The following UBE2E2 variants were observed in gnomAD, a reference collection of about 807,000 sequenced individuals.
The protein encoded by UBE2E2 is ubiquitin-conjugating enzyme E2 E2.
Under a neutral mutation model 24.7 loss-of-function variants are expected in UBE2E2, and 6 were observed. The observed-to-expected ratio is 0.24, with a 90% CI of 0.13 to 0.48. UBE2E2 has a LOEUF of 0.48. Ranked by LOEUF, UBE2E2 falls within the 20% of genes least tolerant of loss-of-function variation. The probability of loss-of-function intolerance (pLI) is 0.99; values close to 1 mark genes in which losing one functional copy is unlikely to be tolerated. For synonymous variants in UBE2E2, 104 were observed against 83.6 expected (o/e 1.24, Z -1.33); for missense variants, 169 against 245.0 (o/e 0.69, Z 2.07).
At chr3:23,462,765 C>T (rs1039550857) in intron 3 of UBE2E2, among the ~76,000 whole-genome samples, 2 of 152,152 alleles carry the variant, frequency 1.3e-5, no homozygotes, top group Non-Finnish European at 2.9e-5. Context: ...TGATGATCCT[C>T]CACATCTGAT....
At chr3:23,206,995 A>AT (rs1696164543) in intron 1 of UBE2E2, among the ~76,000 whole-genome samples, 1 of 151,954 alleles carries the variant, frequency 6.6e-6, no homozygotes. Context: ...TTAAAGATAT[A>AT]TTTTTTGCTG....
intron 3 of UBE2E2, among the ~76,000 whole-genome samples, chr3:23,424,447 T>C (rs1411969842): frequency 2.0e-5 from 3 of 151,950 alleles, no homozygotes; most frequent in Non-Finnish European, 4.4e-5. Context: ...TTGTTTTTTT[T>C]TTTTTCTGTA....
chr3:23,440,019 C>A (rs565427991), intron 3 of UBE2E2, among the ~76,000 whole-genome samples: 3 of 151,568 alleles, frequency 2.0e-5, no homozygotes, highest in Admixed American at 1.3e-4. Context: ...CGCCTGTAAT[C>A]CCAGTGCTTT....
intron 4 of UBE2E2, among the ~76,000 whole-genome samples, chr3:23,515,799 G>GAAAAAA (rs201490292): frequency 8.3e-6 from 1 of 120,628 alleles, no homozygotes. Context: ...TCTACAAAAA[G>GAAAAAA]AAAAAAAAAA....
Position 23,399,827 on chromosome 3 carries a change from T to A in UBE2E2, c.228-99781T>A, listed in dbSNP as rs116564759. On this transcript the variant is annotated intron_variant, in intron 3 of 5. Transcript: ENST00000396703. ...CATTTGCATCATGAAACATTTTTAT[T>A]CACATTAATATATTGCTAGTGTGGA... is the stretch of plus-strand genomic sequence containing the variant. Among the ~76,000 whole-genome samples, 544 of 152,334 alleles carry A rather than the reference T, an allele frequency of 3.6e-3. 2 individuals carry two copies. The highest frequency in any genetic ancestry group is 0.012 in the African/African-American group (490 of 41,584).
chr3:23,267,123 C>A (rs560002301), intron 3 of UBE2E2, among the ~76,000 whole-genome samples: 3 of 151,344 alleles, frequency 2.0e-5, no homozygotes, highest in Non-Finnish European at 4.4e-5. Flanking sequence ...AAATTGACAC[C>A]CTAACGTCAC....
At chr3:23,248,806 T>G (rs1413741113) in intron 3 of UBE2E2, among the ~76,000 whole-genome samples, 1 of 152,156 alleles carries the variant, frequency 6.6e-6, no homozygotes, top group African/African-American at 2.4e-5. Flanking sequence ...TTTCCTAAAC[T>G]TAGTCAGCTA....
chr3:23,390,337 T>TC (rs1245795713), intron 3 of UBE2E2, among the ~76,000 whole-genome samples: 1 of 152,096 alleles, frequency 6.6e-6, no homozygotes, highest in Non-Finnish European at 1.5e-5. Context: ...CAGCTGAACA[T>TC]CAAGAGGAGT....
intron 3 of UBE2E2, among the ~76,000 whole-genome samples, chr3:23,359,107 C>G (rs1413300991): frequency 6.6e-6 from 1 of 152,132 alleles, no homozygotes; most frequent in Non-Finnish European, 1.5e-5. Flanking sequence ...ACATCATGAA[C>G]ATTACCTTTT....
At chr3:23,287,172 C>T (rs1297615440) in intron 3 of UBE2E2, among the ~76,000 whole-genome samples, 2 of 151,968 alleles carry the variant, frequency 1.3e-5, no homozygotes, top group Non-Finnish European at 2.9e-5. Flanking sequence ...GCTTTTTCAG[C>T]AATGATCATA....
At chr3:23,416,993 A>G (rs1303051252) in intron 3 of UBE2E2, among the ~76,000 whole-genome samples, 1 of 152,124 alleles carries the variant, frequency 6.6e-6, no homozygotes, top group Admixed American at 6.5e-5. Flanking sequence ...ATTGGGTTAG[A>G]ACATGCTCCT....
chr3:23,534,197 T>C (rs556245810), intron 5 of UBE2E2: 1 of 973,830 alleles, frequency 1.0e-6, no homozygotes, highest in South Asian at 4.8e-5. Context: ...TCAGCTGAAA[T>C]GGAATCTGTT....
intron 3 of UBE2E2, among the ~76,000 whole-genome samples, chr3:23,400,449 T>TGC (rs1477474267): frequency 6.6e-6 from 1 of 152,066 alleles, no homozygotes; most frequent in Non-Finnish European, 1.5e-5. Context: ...GGACTACAGG[T>TGC]GCATGCCACT....
At chr3:23,414,756 T>G (rs1201071765) in intron 3 of UBE2E2, among the ~76,000 whole-genome samples, 3 of 152,136 alleles carry the variant, frequency 2.0e-5, no homozygotes, top group African/African-American at 7.2e-5. Context: ...CTGTGATAAG[T>G]GGGATTAGTG....
intron 5 of UBE2E2, among the ~76,000 whole-genome samples, chr3:23,548,517 T>C (rs1305213440): frequency 6.6e-6 from 1 of 152,208 alleles, no homozygotes; most frequent in Non-Finnish European, 1.5e-5. Flanking sequence ...AATGGCAAAC[T>C]GAAGTGGACC....
chr3:23,375,351 A>T (rs1040030868), intron 3 of UBE2E2, among the ~76,000 whole-genome samples: 3 of 152,182 alleles, frequency 2.0e-5, no homozygotes, highest in African/African-American at 7.2e-5. Context: ...TTACTATGAG[A>T]ATGCTACCTG....
chr3:23,248,495 A>G (rs1472597105), intron 3 of UBE2E2, among the ~76,000 whole-genome samples: 1 of 152,272 alleles, frequency 6.6e-6, no homozygotes, highest in East Asian at 1.9e-4. Flanking sequence ...ACAATAAAAT[A>G]TAAACATTAA....
At chr3:23,271,985 C>T (rs1001300387) in intron 3 of UBE2E2, among the ~76,000 whole-genome samples, 5 of 152,242 alleles carry the variant, frequency 3.3e-5, no homozygotes, top group Non-Finnish European at 4.4e-5. Flanking sequence ...GATCCCGCGC[C>T]AGGGCCGTGG....
intron 3 of UBE2E2, among the ~76,000 whole-genome samples, chr3:23,450,443 T>C (rs2125415770): frequency 6.6e-6 from 1 of 152,322 alleles, no homozygotes; most frequent in Non-Finnish European, 1.5e-5. Context: ...TTCATGTCTA[T>C]ATTTAATGCT....
Sources: gnomAD v4.1 joint callset for allele counts (sites outside exome capture counted in the v4.1 genomes callset) on GRCh38, gnomAD v4.1.1 for gene constraint, MANE v1.5 for transcripts, NCBI Gene and HGNC (gene_info 2026-07-23, HGNC 2026-07-21) for gene names.